CNTN6: variants seen among roughly 807,000 people sequenced by gnomAD.
The protein encoded by CNTN6 is contactin-6.
CNTN6 carries 137 observed loss-of-function variants against 122.8 expected under a neutral mutation model. That is an observed-to-expected ratio of 1.12 (90% CI 0.97 to 1.29). The LOEUF (loss-of-function observed/expected upper bound fraction) is 1.29. Ranked by LOEUF, CNTN6 falls within the 50% of genes most tolerant of loss-of-function variation. CNTN6 has a pLI of 0.00. For missense variants in CNTN6, 1,634 were observed against 1,223.4 expected, an observed-to-expected ratio of 1.34 and a Z score of -5.01; for synonymous variants, 570 against 426.0, an observed-to-expected ratio of 1.34 and a Z score of -4.16.
intron 4 of CNTN6, among the ~76,000 whole-genome samples, chr3:1,254,546 G>A (rs761081762): frequency 6.6e-6 from 1 of 152,024 alleles, no homozygotes; most frequent in Non-Finnish European, 1.5e-5. Flanking sequence ...CTATTATCAT[G>A]TGTCAGACTC....
chr3:1,143,070 A>T (rs1413736558), intron 1 of CNTN6, among the ~76,000 whole-genome samples: 2 of 150,240 alleles, frequency 1.3e-5, no homozygotes, highest in Non-Finnish European at 3.0e-5. Flanking sequence ...AAAATACATC[A>T]ATATTTATAA....
intron 2 of CNTN6, among the ~76,000 whole-genome samples, chr3:1,183,108 G>A (rs940207965): frequency 2.6e-5 from 4 of 151,934 alleles, no homozygotes; most frequent in Non-Finnish European, 4.4e-5. Flanking sequence ...TGAACTGTCC[G>A]GTATACGAAG....
chr3:1,330,833 C>T (rs183696129), intron 11 of CNTN6, among the ~76,000 whole-genome samples: 7 of 151,940 alleles, frequency 4.6e-5, no homozygotes, highest in African/African-American at 7.2e-5. Context: ...ATGACTGTGA[C>T]GGACTAGAAA....
intron 1 of CNTN6, among the ~76,000 whole-genome samples, chr3:1,137,272 C>G (rs753514163): frequency 6.6e-6 from 1 of 152,348 alleles, no homozygotes; most frequent in African/African-American, 2.4e-5. Context: ...AAGGGCCAGT[C>G]ACTCCGGATA....
intron 2 of CNTN6, among the ~76,000 whole-genome samples, chr3:1,150,422 A>C (rs1443182800): frequency 1.3e-5 from 2 of 152,114 alleles, no homozygotes; most frequent in African/African-American, 4.8e-5. Flanking sequence ...TTAAAACTTA[A>C]AATTTTTTGA....
chr3:1,106,076 TA>T, intron 1 of CNTN6, among the ~76,000 whole-genome samples: 1 of 152,274 alleles, frequency 6.6e-6, no homozygotes, highest in East Asian at 1.9e-4. Flanking sequence ...GTTTTGGAGG[TA>T]ATCTATATTG....
At chr3:1,376,742 G>A (rs975565339) in intron 16 of CNTN6, among the ~76,000 whole-genome samples, 1 of 152,136 alleles carries the variant, frequency 6.6e-6, no homozygotes, top group African/African-American at 2.4e-5. Context: ...ATTAGTAGAT[G>A]ATGCATAATG....
At position 1,177,786 on chromosome 3, in the gene CNTN6, A is replaced by AT. The variant is rs1344862598; in HGVS notation, c.55+29731dup. ...TTTATTTTTCGGTATATATGTATAA[A>AT]TTTTTTTTCTTTATTGGTAAGATTT... On this transcript the variant is annotated intron_variant, in intron 2 of 22. Transcript: ENST00000446702. Among the ~76,000 whole-genome samples, 3 of 150,848 alleles carry AT rather than the reference A, an allele frequency of 2.0e-5. No homozygotes were observed. In the South Asian group the frequency reaches 6.3e-4, roughly 32 times the overall value.
intron 3 of CNTN6, among the ~76,000 whole-genome samples, chr3:1,222,344 C>T (rs1031264186): frequency 6.6e-6 from 1 of 152,198 alleles, no homozygotes; most frequent in Admixed American, 6.5e-5. Flanking sequence ...TCACCTAATA[C>T]TTAAAGTAGT....
chr3:1,203,630 A>G (rs535731022), intron 2 of CNTN6, among the ~76,000 whole-genome samples: 42 of 152,318 alleles, frequency 2.8e-4, no homozygotes, highest in African/African-American at 1.0e-3. Flanking sequence ...TATGTTGACA[A>G]TAAACATGAA....
intron 1 of CNTN6, among the ~76,000 whole-genome samples, chr3:1,124,249 G>A (rs930267779): frequency 6.6e-6 from 1 of 151,768 alleles, no homozygotes; most frequent in Non-Finnish European, 1.5e-5. Context: ...GATTAGCCAG[G>A]CCAACGCGCC....
At chr3:1,213,622 C>T (rs1346767889) in intron 2 of CNTN6, among the ~76,000 whole-genome samples, 2 of 151,634 alleles carry the variant, frequency 1.3e-5, no homozygotes, top group East Asian at 3.9e-4. Context: ...AGCCATCTTT[C>T]TATATATATA....
intron 19 of CNTN6, 76 bp from the exon 20 acceptor site, chr3:1,385,535 T>G: frequency 8.4e-7 from 1 of 1,187,050 alleles, no homozygotes; most frequent in Non-Finnish European, 1.2e-6. Context: ...GTGGTTGTGG[T>G]TGATAGTTGT....
chr3:1,315,382 AG>A (rs1699947083), intron 7 of CNTN6, among the ~76,000 whole-genome samples: 1 of 151,998 alleles, frequency 6.6e-6, no homozygotes, highest in South Asian at 2.1e-4. Flanking sequence ...GGCAACTCAA[AG>A]GAATTAGAAG....
chr3:1,386,194 T>C (rs1471301112), intron 20 of CNTN6, among the ~76,000 whole-genome samples: 1 of 152,088 alleles, frequency 6.6e-6, no homozygotes, highest in East Asian at 1.9e-4. Flanking sequence ...ATAGGTTTTG[T>C]TCAAGATTGA....
chr3:1,347,579 C>T (rs946846380), intron 11 of CNTN6, among the ~76,000 whole-genome samples: 12 of 152,086 alleles, frequency 7.9e-5, no homozygotes, highest in Middle Eastern at 3.4e-3. Context: ...GCTTCTGAGT[C>T]CAGCCATAGG....
At chr3:1,388,796 T>G (rs1361857379) in intron 20 of CNTN6, among the ~76,000 whole-genome samples, 5 of 149,254 alleles carry the variant, frequency 3.3e-5, no homozygotes, top group Non-Finnish European at 7.4e-5. Context: ...TGTGATCAAC[T>G]GGAAGAAAGG....
At chr3:1,128,918 CT>C (rs2092257379) in intron 1 of CNTN6, among the ~76,000 whole-genome samples, 1 of 151,910 alleles carries the variant, frequency 6.6e-6, no homozygotes, top group Non-Finnish European at 1.5e-5. Context: ...GGATAGGTAA[CT>C]TTTTTATTTC....
chr3:1,095,211 A>G (rs1423155118), intron 1 of CNTN6, among the ~76,000 whole-genome samples: 1 of 152,174 alleles, frequency 6.6e-6, no homozygotes, highest in Non-Finnish European at 1.5e-5. Context: ...GGTGGTTCAC[A>G]CCTATAATCC....
Sources: gnomAD v4.1 joint callset for allele counts (sites outside exome capture counted in the v4.1 genomes callset) on GRCh38, gnomAD v4.1.1 for gene constraint, MANE v1.5 for transcripts, NCBI Gene and HGNC (gene_info 2026-07-23, HGNC 2026-07-21) for gene names.